SLC35D4: variants seen among roughly 807,000 people sequenced by gnomAD.
The protein encoded by SLC35D4 is solute carrier family 35 member D4.
the SLC35D4 span, chr18:23,309,873 C>T: frequency 1.0e-4 from 89 of 874,364 alleles, no homozygotes; most frequent in East Asian, 2.1e-3. Flanking sequence ...TTCCACTTCC[C>T]GTGTCCTTTT....
the SLC35D4 span, among the ~76,000 whole-genome samples, chr18:23,322,940 A>G: frequency 1.3e-5 from 2 of 152,036 alleles, no homozygotes; most frequent in Non-Finnish European, 2.9e-5. Context: ...TAGTAAATGT[A>G]CTCTTCTACT....
At chr18:23,406,735 A>C in the SLC35D4 span, among the ~76,000 whole-genome samples, 1 of 152,200 alleles carries the variant, frequency 6.6e-6, no homozygotes. Flanking sequence ...TCTGGTTCTG[A>C]GTGCTGCCTG....
the SLC35D4 span, among the ~76,000 whole-genome samples, chr18:23,280,766 T>C: frequency 6.6e-6 from 1 of 151,858 alleles, no homozygotes; most frequent in Non-Finnish European, 1.5e-5. Flanking sequence ...ACTAAAGGCC[T>C]GAGGATAACA....
the SLC35D4 span, chr18:23,373,833 GT>G: frequency 6.5e-7 from 1 of 1,539,144 alleles, no homozygotes; most frequent in Non-Finnish European, 8.9e-7. Flanking sequence ...GAGCGTGGAG[GT>G]GAAAATGCAT....
At chr18:23,306,092 C>A in the SLC35D4 span, among the ~76,000 whole-genome samples, 2 of 152,074 alleles carry the variant, frequency 1.3e-5, no homozygotes, top group Non-Finnish European at 2.9e-5. Flanking sequence ...ATGTCAGCAT[C>A]CAAGGCCACC....
the SLC35D4 span, among the ~76,000 whole-genome samples, chr18:23,276,228 C>T: frequency 6.6e-6 from 1 of 151,908 alleles, no homozygotes; most frequent in African/African-American, 2.4e-5. Flanking sequence ...GCTGGGACTA[C>T]AGGCACCCAC....
the SLC35D4 span, among the ~76,000 whole-genome samples, chr18:23,286,798 G>A: frequency 1.3e-5 from 2 of 151,926 alleles, no homozygotes; most frequent in Non-Finnish European, 2.9e-5. Context: ...ATCCCCACCT[G>A]CCCAGTTCCC....
At chr18:23,276,378 G>A in the SLC35D4 span, among the ~76,000 whole-genome samples, 15 of 151,172 alleles carry the variant, frequency 9.9e-5, no homozygotes, top group Admixed American at 6.6e-4. Context: ...TTGAGCCACC[G>A]CGCCCAGCCA....
the SLC35D4 span, among the ~76,000 whole-genome samples, chr18:23,250,128 C>T: frequency 1.3e-5 from 2 of 152,208 alleles, no homozygotes; most frequent in East Asian, 3.9e-4. Context: ...GAGATCCAGT[C>T]CCCTCCCACA....
chr18:23,257,007 G>A, the SLC35D4 span, among the ~76,000 whole-genome samples: 8 of 152,184 alleles, frequency 5.3e-5, no homozygotes, highest in Non-Finnish European at 1.0e-4. Context: ...AGATGTATGT[G>A]TGGTTCCGGG....
At chr18:23,366,917 G>A in the SLC35D4 span, among the ~76,000 whole-genome samples, 3 of 152,344 alleles carry the variant, frequency 2.0e-5, no homozygotes, top group South Asian at 2.1e-4. Flanking sequence ...CTATAAACAA[G>A]ACTGAAGACT....
chr18:23,421,374 T>A, the SLC35D4 span: 13 of 1,614,020 alleles, frequency 8.1e-6, no homozygotes, highest in Non-Finnish European at 1.1e-5. Context: ...TACCTTGAAC[T>A]GCTGTTGATC....
At chr18:23,305,873 A>T in the SLC35D4 span, among the ~76,000 whole-genome samples, 1 of 152,188 alleles carries the variant, frequency 6.6e-6, no homozygotes, top group Non-Finnish European at 1.5e-5. Flanking sequence ...TTTGACTTTT[A>T]TCCAAGAATG....
chr18:23,248,100 C>G, the SLC35D4 span, among the ~76,000 whole-genome samples: 1 of 152,246 alleles, frequency 6.6e-6, no homozygotes, highest in Non-Finnish European at 1.5e-5. Flanking sequence ...CTGGCGCGCT[C>G]TGCCACCCTT....
chr18:23,347,595 A>T, the SLC35D4 span, among the ~76,000 whole-genome samples: 541 of 151,940 alleles, frequency 3.6e-3, 4 homozygotes, highest in African/African-American at 0.012. Flanking sequence ...ATCATTTAAA[A>T]TTTTTTTCTT....
chr18:23,274,303 C>G, the SLC35D4 span, among the ~76,000 whole-genome samples: 1 of 152,242 alleles, frequency 6.6e-6, no homozygotes, highest in African/African-American at 2.4e-5. Context: ...CCCAGAACCA[C>G]GTGCCCAGGC....
the SLC35D4 span, among the ~76,000 whole-genome samples, chr18:23,396,568 C>T: frequency 6.6e-6 from 1 of 152,216 alleles, no homozygotes; most frequent in South Asian, 2.1e-4. Context: ...TTGGTTGTTT[C>T]CCTTTGTTCA....
the SLC35D4 span, among the ~76,000 whole-genome samples, chr18:23,345,544 A>G: frequency 6.7e-6 from 1 of 150,000 alleles, no homozygotes; most frequent in Non-Finnish European, 1.5e-5. Flanking sequence ...ACCTCTGTTG[A>G]AAATTAATTG....
the SLC35D4 span, among the ~76,000 whole-genome samples, chr18:23,335,305 A>G: frequency 6.6e-6 from 1 of 152,222 alleles, no homozygotes; most frequent in South Asian, 2.1e-4. Flanking sequence ...TGATGCATCC[A>G]AACTTAGCTT....
Sources: gnomAD v4.1 joint callset for allele counts (sites outside exome capture counted in the v4.1 genomes callset) on GRCh38, gnomAD v4.1.1 for gene constraint, MANE v1.5 for transcripts, NCBI Gene and HGNC (gene_info 2026-07-23, HGNC 2026-07-21) for gene names.